The following RABGAP1 variants were observed in gnomAD, a reference collection of about 807,000 sequenced individuals.
The protein encoded by RABGAP1 is RAB GTPase activating protein 1.
RABGAP1 carries 23 observed loss-of-function variants against 137.6 expected under a neutral mutation model. That is an observed-to-expected ratio of 0.17 (90% CI 0.12 to 0.24). The LOEUF is 0.24. RABGAP1 is among the 10% of genes least tolerant of loss of function. The pLI is 1.00. For missense variants in RABGAP1, 906 were observed against 1,275.8 expected, an observed-to-expected ratio of 0.71 and a Z score of 4.42; for synonymous variants, 451 against 450.7, an observed-to-expected ratio of 1.00 and a Z score of -0.01.
chr9:122,998,329 A>C (rs1257397834), intron 9 of RABGAP1, among the ~76,000 whole-genome samples: 1 of 152,168 alleles, frequency 6.6e-6, no homozygotes, highest in Admixed American at 6.5e-5. Flanking sequence ...CATGGGCTCA[A>C]GTGATCTGCC....
chr9:123,061,159 C>T (rs1260448247), intron 13 of RABGAP1, among the ~76,000 whole-genome samples: 3 of 152,140 alleles, frequency 2.0e-5, no homozygotes, highest in Admixed American at 1.3e-4. Flanking sequence ...TCTCTTACTG[C>T]CCAGGCTGGA....
intron 17 of RABGAP1, among the ~76,000 whole-genome samples, chr9:123,074,867 G>T (rs760988726): frequency 5.9e-5 from 9 of 152,136 alleles, no homozygotes; most frequent in Non-Finnish European, 1.2e-4. Flanking sequence ...TGCCTCCTCT[G>T]TTTTCAAAAG....
chr9:123,104,027 A>G lies in RABGAP1; in HGVS notation c.*814A>G, dbSNP rs1420756772. 2.0e-5 allele frequency: 3 copies of G among 150,856 alleles called. No individual in the cohort carries two copies. Among genetic ancestry groups the G allele is most frequent in the East Asian group, 2.0e-4 (1 of 5,120 alleles). The allele number at this position is 150,856 out of a possible 1,614,324, so 9.3% of individuals were successfully genotyped here. ...TATATATATATAAATATCTTTCCCA[A>G]TATGCCCCGTTGACAGTGTTTAAAT... On this transcript the variant is annotated 3_prime_UTR_variant, in exon 26 of 26. Transcript: ENST00000373647.
rs545452821 is a variant in RABGAP1, at chr9:122,996,042, G to A, written c.925G>A (p.Ala309Thr). 1 of 1,601,714 alleles carries A rather than the reference G, an allele frequency of 6.2e-7. No homozygotes were observed. The highest frequency in any genetic ancestry group is 2.3e-5 in the East Asian group (1 of 44,234). ...TTAATGAAACATGTTGGTCTACAGT[G>A]CAGTTCCCAAAGATAAGGACAGACA... ...KEDDGKGYFS[A>T]VPKDKDRQCF... Residue 309 changes from alanine to threonine, a missense_variant and splice_region_variant, in exon 7 of 26, where the codon GCA becomes ACA. Physicochemically the swap from Ala to Thr is moderately conservative, Grantham distance 58. Transcript: ENST00000373647.
chr9:123,034,931 G>C, intron 13 of RABGAP1: 1 of 1,613,058 alleles, frequency 6.2e-7, no homozygotes, highest in Non-Finnish European at 8.5e-7. Context: ...TCTCTGGCCT[G>C]TATCAGCATT....
intron 13 of RABGAP1, among the ~76,000 whole-genome samples, chr9:123,063,948 T>C (rs1427932459): frequency 6.6e-6 from 1 of 152,194 alleles, no homozygotes; most frequent in Non-Finnish European, 1.5e-5. Context: ...ACTCTTCAGC[T>C]CTCTGTTCAG....
At chr9:122,999,661 A>T (rs895601461) in intron 10 of RABGAP1, among the ~76,000 whole-genome samples, 2 of 150,202 alleles carry the variant, frequency 1.3e-5, no homozygotes, top group Admixed American at 1.3e-4. Flanking sequence ...CCTGCTTGGG[A>T]TTTGTTGGGG....
chr9:123,034,901 T>G, intron 13 of RABGAP1: 1 of 1,613,544 alleles, frequency 6.2e-7, no homozygotes, highest in Non-Finnish European at 8.5e-7. Flanking sequence ...GTATCAGTTC[T>G]GAAGAGCGTC....
intron 13 of RABGAP1, among the ~76,000 whole-genome samples, chr9:123,047,549 T>G (rs1478537466): frequency 6.6e-6 from 1 of 152,194 alleles, no homozygotes; most frequent in African/African-American, 2.4e-5. Flanking sequence ...AAAGATCTGG[T>G]TTACTTATAG....
At chr9:122,956,607 G>T (rs1297497391) in intron 1 of RABGAP1, among the ~76,000 whole-genome samples, 1 of 139,174 alleles carries the variant, frequency 7.2e-6, no homozygotes. Flanking sequence ...CCGAGATCCC[G>T]CCACTGCACT....
At chr9:123,090,411 A>C (rs952193515) in intron 21 of RABGAP1, 26 bp downstream of exon 21, 18 of 1,539,858 alleles carry the variant, frequency 1.2e-5, no homozygotes, top group Non-Finnish European at 1.3e-5. Context: ...CTGAAGGGAA[A>C]GATCTCACTG....
chr9:122,950,385 T>TA (rs1434062843), intron 1 of RABGAP1, among the ~76,000 whole-genome samples: 6 of 144,124 alleles, frequency 4.2e-5, no homozygotes, highest in Non-Finnish European at 9.1e-5. Context: ...TTCTTTTTTT[T>TA]TTTTTTTTTT....
intron 1 of RABGAP1, among the ~76,000 whole-genome samples, chr9:122,941,765 C>T (rs907959326): frequency 6.6e-6 from 1 of 152,244 alleles, no homozygotes; most frequent in Non-Finnish European, 1.5e-5. Flanking sequence ...CAAAGGATAA[C>T]CTCAAGACTT....
intron 13 of RABGAP1, among the ~76,000 whole-genome samples, chr9:123,044,475 GT>G (rs2033109060): frequency 6.6e-6 from 1 of 151,978 alleles, no homozygotes; most frequent in African/African-American, 2.4e-5. Flanking sequence ...GACCTTTTTG[GT>G]TTCCAGTCTG....
At chr9:123,086,515 G>C (rs1292035106) in intron 19 of RABGAP1, among the ~76,000 whole-genome samples, 1 of 152,172 alleles carries the variant, frequency 6.6e-6, no homozygotes, top group East Asian at 1.9e-4. Flanking sequence ...GGCACCTTCT[G>C]GTTCCCCATT....
At chr9:122,954,177 G>A (rs2110441) in intron 1 of RABGAP1, among the ~76,000 whole-genome samples, 1 of 152,204 alleles carries the variant, frequency 6.6e-6, no homozygotes, top group African/African-American at 2.4e-5. Context: ...TCTTGAGACA[G>A]AGGTTGTGAA....
intron 2 of RABGAP1, among the ~76,000 whole-genome samples, chr9:122,977,576 C>T (rs928305905): frequency 7.9e-5 from 12 of 152,158 alleles, no homozygotes; most frequent in African/African-American, 2.9e-4. Flanking sequence ...CGTGATGGCG[C>T]ATGCCTGTAA....
At chr9:123,049,102 A>G (rs1213515614) in intron 13 of RABGAP1, among the ~76,000 whole-genome samples, 1 of 152,204 alleles carries the variant, frequency 6.6e-6, no homozygotes, top group Non-Finnish European at 1.5e-5. Flanking sequence ...TTTTCTGAGG[A>G]AGTCATCTGC....
At chr9:123,085,040 C>G (rs1021201394) in intron 19 of RABGAP1, among the ~76,000 whole-genome samples, 3 of 152,202 alleles carry the variant, frequency 2.0e-5, no homozygotes, top group Non-Finnish European at 4.4e-5. Flanking sequence ...CTGTCTGTTC[C>G]AGGGGCTGAT....
Sources: allele counts gnomAD v4.1 joint callset (sites outside exome capture counted in the v4.1 genomes callset), GRCh38; gene constraint gnomAD v4.1.1; transcripts MANE v1.5; gene names NCBI Gene and HGNC (gene_info 2026-07-23, HGNC 2026-07-21).